The following TRIO variants were observed in gnomAD, a reference collection of about 807,000 sequenced individuals.
TRIO encodes triple functional domain protein.
In TRIO, 58 loss-of-function variants were observed where a neutral mutation model predicts 351.9. That is an observed-to-expected ratio of 0.16 (90% CI 0.13 to 0.21). The LOEUF (loss-of-function observed/expected upper bound fraction) is 0.21, where lower values mean the gene tolerates loss of function less well. Ranked by LOEUF, TRIO falls within the 10% of genes least tolerant of loss-of-function variation. TRIO has a pLI of 1.00. For synonymous variants in TRIO, 1,758 were observed against 1,595.7 expected (o/e 1.10, Z -2.42); for missense variants, 3,201 against 4,027.8 (o/e 0.79, Z 5.56).
rs148135396 is a variant in TRIO at position 14,337,870 on chromosome 5, G to A, written c.2046+1143G>A. ...TGGGGTTTGCACTCAGTCCTGCCCCGGGCTGGCAGCTGGCTCTCTCGATCC... is the reference window on the plus strand; with the variant it reads ...TGGGGTTTGCACTCAGTCCTGCCCCAGGCTGGCAGCTGGCTCTCTCGATCC... On this transcript the variant is annotated intron_variant, in intron 11 of 56. Coordinates refer to ENST00000344204, the MANE Select transcript of TRIO (RefSeq NM_007118.4). Among the ~76,000 whole-genome samples the A allele has an allele frequency of 1.0e-3, 155 of 152,194 alleles. 3 individuals are homozygous for A. In the East Asian group the frequency reaches 0.028, roughly 28 times the overall value.
chr5:14,465,665 A>T (rs1260582163), intron 37 of TRIO, 25 bp downstream of exon 37: 2 of 1,612,884 alleles, frequency 1.2e-6, no homozygotes, highest in African/African-American at 2.7e-5. Context: ...AGAAAGTCTG[A>T]CTTTTGGAAG....
chr5:14,318,279 CAAA>C (rs759632595), intron 9 of TRIO, among the ~76,000 whole-genome samples: 5 of 46,512 alleles, frequency 1.1e-4, no homozygotes, highest in Admixed American at 2.8e-4. Flanking sequence ...GACTCTATCT[CAAA>C]AAAAAAAAAA....
chr5:14,416,156 G>A (rs1488178830), intron 33 of TRIO, among the ~76,000 whole-genome samples: 1 of 149,276 alleles, frequency 6.7e-6, no homozygotes, highest in Non-Finnish European at 1.5e-5. Flanking sequence ...TTCTCTGAAA[G>A]CCAAGACCTC....
At chr5:14,407,762 TA>T (rs888854993) in intron 33 of TRIO, among the ~76,000 whole-genome samples, 3 of 152,348 alleles carry the variant, frequency 2.0e-5, no homozygotes, top group Non-Finnish European at 4.4e-5. Context: ...TCCCACAAAG[TA>T]AATTGCTAGT....
At chr5:14,454,221 G>A (rs1753068985) in intron 34 of TRIO, among the ~76,000 whole-genome samples, 1 of 152,152 alleles carries the variant, frequency 6.6e-6, no homozygotes, top group South Asian at 2.1e-4. Flanking sequence ...GAGCCACCGT[G>A]CCCTGCCCAG....
chr5:14,399,830 AG>A (rs1166650677), intron 30 of TRIO, among the ~76,000 whole-genome samples: 5 of 152,196 alleles, frequency 3.3e-5, no homozygotes, highest in African/African-American at 1.2e-4. Flanking sequence ...GTCGCTGGGC[AG>A]GGCCAGGCAG....
At chr5:14,466,910 A>T (rs1017357240) in intron 37 of TRIO, among the ~76,000 whole-genome samples, 9 of 152,198 alleles carry the variant, frequency 5.9e-5, no homozygotes, top group Non-Finnish European at 1.0e-4. Flanking sequence ...GGATTCTGTG[A>T]TAATAATACC....
intron 1 of TRIO, among the ~76,000 whole-genome samples, chr5:14,163,526 G>T (rs770249682): frequency 6.6e-6 from 1 of 152,166 alleles, no homozygotes; most frequent in Non-Finnish European, 1.5e-5. Context: ...TTTTCTAAAA[G>T]GAGACTTCTT....
intron 18 of TRIO, among the ~76,000 whole-genome samples, chr5:14,371,667 G>T (rs1348683286): frequency 3.3e-5 from 5 of 149,860 alleles, no homozygotes; most frequent in African/African-American, 4.9e-5. Flanking sequence ...TTGAGACAGG[G>T]TCTTGCCTTG....
In TRIO at chr5:14,378,145, G is replaced by A. The variant is rs1251389724; in HGVS notation, c.3447+18G>A. On this transcript the variant is annotated intron_variant, in intron 20 of 56. Transcript: ENST00000344204. ...CCAAGCAGGTCAGTGCACACCTGGT[G>A]CCCAGCCTCCCCCTAAACTCCCGTG... The A allele has an allele frequency of 6.3e-7, 1 of 1,579,706 alleles. No homozygotes were observed.
At chr5:14,249,788 C>T (rs1012453452) in intron 1 of TRIO, among the ~76,000 whole-genome samples, 1 of 152,188 alleles carries the variant, frequency 6.6e-6, no homozygotes, top group East Asian at 1.9e-4. Flanking sequence ...CCTGCATCCT[C>T]AAGCTGCCTG....
In TRIO at chr5:14,297,232, T is replaced by C. The variant is rs2152290090; in HGVS notation, c.1337T>C (p.Met446Thr). 1 of 1,614,076 alleles carries C rather than the reference T, an allele frequency of 6.2e-7. No individual in the cohort carries two copies. Among genetic ancestry groups the C allele is most frequent in the Non-Finnish European group, 8.5e-7 (1 of 1,179,990 alleles). Residue 446 changes from methionine to threonine, a missense_variant, in exon 7 of 57, where the codon ATG (methionine) becomes ACG (threonine). Transcript: ENST00000344204. ...GATGAGCGGAGCACCTTGCTGGACATGTCCTCCATTTTCCACCAGAAGGCC... is the reference window on the plus strand; with the variant it reads ...GATGAGCGGAGCACCTTGCTGGACACGTCCTCCATTTTCCACCAGAAGGCC... ...ALDERSTLLD[M>T]SSIFHQKAEK...
chr5:14,298,892 T>A (rs992363169), intron 7 of TRIO, among the ~76,000 whole-genome samples: 1 of 152,200 alleles, frequency 6.6e-6, no homozygotes, highest in African/African-American at 2.4e-5. Context: ...AATAAAACCA[T>A]CTTCATGACC....
intron 34 of TRIO, among the ~76,000 whole-genome samples, chr5:14,443,537 A>ACT (rs1752223327): frequency 1.3e-5 from 2 of 152,264 alleles, no homozygotes; most frequent in Non-Finnish European, 2.9e-5. Context: ...GTAACTTTAC[A>ACT]GTGCCCATGA....
intron 1 of TRIO, among the ~76,000 whole-genome samples, chr5:14,195,720 A>C (rs944063122): frequency 5.3e-5 from 8 of 152,224 alleles, no homozygotes; most frequent in African/African-American, 1.9e-4. Context: ...TTAATTGTTC[A>C]GAACAGGCTC....
chr5:14,425,964 C>T lies in TRIO; in HGVS notation c.5203+5943C>T, dbSNP rs137865397. On this transcript the variant is annotated intron_variant, in intron 34 of 56. Transcript: ENST00000344204. ...TGGACTAAGACATATGGTAGTTCTACTTTTAATTTTTTGAGGCTGCCCACT... is the reference window on the plus strand; with the variant it reads ...TGGACTAAGACATATGGTAGTTCTATTTTTAATTTTTTGAGGCTGCCCACT... Among the ~76,000 whole-genome samples the T allele has an allele frequency of 1.8e-3, 280 of 152,310 alleles. 4 individuals carry two copies. The highest frequency in any genetic ancestry group is 6.3e-3 in the African/African-American group (263 of 41,564).
intron 30 of TRIO, chr5:14,399,420 T>C (rs530291701): frequency 3.0e-6 from 1 of 334,084 alleles, no homozygotes; most frequent in Non-Finnish European, 5.4e-6. Context: ...TTATTATAAT[T>C]AATTTTTCAA....
At chr5:14,334,275 G>A (rs953046122) in intron 10 of TRIO, among the ~76,000 whole-genome samples, 9 of 152,142 alleles carry the variant, frequency 5.9e-5, no homozygotes, top group Non-Finnish European at 1.2e-4. Flanking sequence ...GGAAGGTCTC[G>A]TTCCCGGGAA....
intron 1 of TRIO, among the ~76,000 whole-genome samples, chr5:14,209,348 C>T (rs1298822894): frequency 1.3e-5 from 2 of 152,218 alleles, no homozygotes; most frequent in South Asian, 4.1e-4. Flanking sequence ...ACGTTTTAGA[C>T]ATACATAGAA....
Sources: allele counts gnomAD v4.1 joint callset (sites outside exome capture counted in the v4.1 genomes callset), GRCh38; gene constraint gnomAD v4.1.1; transcripts MANE v1.5; gene names NCBI Gene and HGNC (gene_info 2026-07-23, HGNC 2026-07-21).